Variants in SYT1 observed in about 807,000 individuals in gnomAD.
SYT1 encodes synaptotagmin-1.
A neutral mutation model predicts 44.8 loss-of-function variants in SYT1; 8 were observed. The observed-to-expected ratio is 0.18, with a 90% CI of 0.10 to 0.32. The LOEUF (loss-of-function observed/expected upper bound fraction) is 0.32, where lower values mean the gene tolerates loss of function less well. SYT1 is among the 10% of genes least tolerant of loss of function. SYT1 has a pLI of 1.00. For missense variants in SYT1, 286 were observed against 509.3 expected (o/e 0.56, Z 4.22); for synonymous variants, 154 against 188.8 (o/e 0.82, Z 1.51).
intron 4 of SYT1, among the ~76,000 whole-genome samples, chr12:79,235,898 A>G (rs969754891): frequency 3.3e-5 from 5 of 152,170 alleles, no homozygotes; most frequent in Non-Finnish European, 2.9e-5. Context: ...CACCATATCC[A>G]AAACTAAATT....
intron 4 of SYT1, among the ~76,000 whole-genome samples, chr12:79,268,876 A>G (rs1269347166): frequency 2.0e-5 from 3 of 152,192 alleles, no homozygotes; most frequent in Non-Finnish European, 4.4e-5. Context: ...CAGAGTAATC[A>G]CTGGCTGACA....
chr12:78,949,099 C>T (rs1231218461), intron 1 of SYT1, among the ~76,000 whole-genome samples: 1 of 151,304 alleles, frequency 6.6e-6, no homozygotes, highest in Admixed American at 6.6e-5. Flanking sequence ...TAGTGATTGG[C>T]TATAGGACTT....
chr12:78,987,306 G>A (rs764220919), intron 2 of SYT1, among the ~76,000 whole-genome samples: 4 of 152,018 alleles, frequency 2.6e-5, no homozygotes, highest in Non-Finnish European at 5.9e-5. Flanking sequence ...AAAATGGTGT[G>A]TGTTTTCTAG....
At chr12:79,088,306 C>G (rs1877521852) in intron 3 of SYT1, among the ~76,000 whole-genome samples, 1 of 151,902 alleles carries the variant, frequency 6.6e-6, no homozygotes, top group Non-Finnish European at 1.5e-5. Flanking sequence ...TTCCTTACCC[C>G]CTTCGGAAGG....
chr12:79,330,990 T>C (rs1881829872), intron 8 of SYT1, among the ~76,000 whole-genome samples: 1 of 152,218 alleles, frequency 6.6e-6, no homozygotes, highest in Non-Finnish European at 1.5e-5. Context: ...TTTCGTTTCC[T>C]GCAGTTCCTT....
At chr12:78,973,928 AAAAAAAAAAAATATATAT>A (rs1868576880) in intron 1 of SYT1, among the ~76,000 whole-genome samples, 1 of 40,728 alleles carries the variant, frequency 2.5e-5, no homozygotes, top group African/African-American at 1.1e-4. Context: ...AAAAAAAAAA[AAAAAAAAAAAATATATAT>A]ATATATATAT....
intron 4 of SYT1, among the ~76,000 whole-genome samples, chr12:79,242,076 A>C (rs555510747): frequency 6.6e-6 from 1 of 152,324 alleles, no homozygotes; most frequent in South Asian, 2.1e-4. Flanking sequence ...CAATACTTTG[A>C]TTTCAGACTT....
chr12:79,446,148 A>G lies in SYT1; in HGVS notation c.1062+1942A>G, dbSNP rs191156365. Among the ~76,000 whole-genome samples the G allele has an allele frequency of 3.4e-4, 51 of 150,784 alleles. No individual in the cohort carries two copies. The East Asian group carries it at 7.6e-3, about 23-fold the overall frequency. Reference sequence around the variant, plus strand: ...CCTAATTTTATATGTGAAAAAACTGAGGCTTAGAATTTCTTTACATGTAAA... The same window carrying G: ...CCTAATTTTATATGTGAAAAAACTGGGGCTTAGAATTTCTTTACATGTAAA... On this transcript the variant is annotated intron_variant, in intron 10 of 10. Transcript: ENST00000261205.
chr12:78,992,129 A>G (rs1870061023), intron 2 of SYT1, among the ~76,000 whole-genome samples: 1 of 152,236 alleles, frequency 6.6e-6, no homozygotes, highest in South Asian at 2.1e-4. Flanking sequence ...TATGCCCTGC[A>G]TAGCAGGTAA....
intron 1 of SYT1, among the ~76,000 whole-genome samples, chr12:78,911,897 T>C (rs918083794): frequency 2.6e-5 from 4 of 152,020 alleles, no homozygotes; most frequent in Non-Finnish European, 4.4e-5. Flanking sequence ...CTTTGTTAAA[T>C]TACTAAATGT....
At chr12:79,005,330 A>G (rs1038093511) in intron 2 of SYT1, among the ~76,000 whole-genome samples, 3 of 151,814 alleles carry the variant, frequency 2.0e-5, no homozygotes, top group African/African-American at 7.3e-5. Flanking sequence ...TAGAAAGTAT[A>G]CCCCCCATGG....
intron 8 of SYT1, among the ~76,000 whole-genome samples, chr12:79,344,083 T>C (rs1882497238): frequency 6.6e-6 from 1 of 152,220 alleles, no homozygotes; most frequent in Admixed American, 6.5e-5. Context: ...TTCAGGACTG[T>C]GTTATCCAGA....
intron 2 of SYT1, among the ~76,000 whole-genome samples, chr12:79,024,409 T>G (rs1872393143): frequency 6.6e-6 from 1 of 151,876 alleles, no homozygotes; most frequent in African/African-American, 2.4e-5. Flanking sequence ...GCTGCTGTAC[T>G]CTTATCCAAA....
At chr12:78,992,309 T>C (rs1414884033) in intron 2 of SYT1, among the ~76,000 whole-genome samples, 1 of 152,230 alleles carries the variant, frequency 6.6e-6, no homozygotes, top group African/African-American at 2.4e-5. Flanking sequence ...TAAGATAAGA[T>C]ATGAAGGTAG....
intron 3 of SYT1, among the ~76,000 whole-genome samples, chr12:79,144,915 T>C (rs1449156745): frequency 6.6e-6 from 1 of 152,208 alleles, no homozygotes; most frequent in Non-Finnish European, 1.5e-5. Flanking sequence ...CAGAGCTTGG[T>C]ACCCTCAGTA....
Position 79,444,346 on chromosome 12 carries a change from C to T in SYT1, c.1062+140C>T, listed in dbSNP as rs972502174. 5 of 1,078,284 alleles carry T rather than the reference C, an allele frequency of 4.6e-6. No individual in the cohort carries two copies. The African/African-American group carries it at 7.9e-5, about 17-fold the overall frequency. The allele number at this position is 1,078,284 out of a possible 1,614,324, so 66.8% of individuals were successfully genotyped here. ...TCTTTCTCCCCATGCACATTTGATG[C>T]TTGAGCTACATCAGGAAGGATAAAA... On this transcript the variant is annotated intron_variant, in intron 10 of 10. Coordinates refer to ENST00000261205, the MANE Select transcript of SYT1 (RefSeq NM_005639.3).
At chr12:79,371,817 C>G (rs1883803703) in intron 9 of SYT1, among the ~76,000 whole-genome samples, 1 of 152,162 alleles carries the variant, frequency 6.6e-6, no homozygotes, top group Admixed American at 6.5e-5. Context: ...TTTTCTGCCC[C>G]TCCTTTTTTA....
At chr12:79,132,113 T>C (rs985269298) in intron 3 of SYT1, among the ~76,000 whole-genome samples, 1 of 152,124 alleles carries the variant, frequency 6.6e-6, no homozygotes, top group Non-Finnish European at 1.5e-5. Context: ...AAAGGAATAA[T>C]CCCATTAAAA....
chr12:78,873,560 T>C (rs1873927042), intron 1 of SYT1, among the ~76,000 whole-genome samples: 1 of 151,658 alleles, frequency 6.6e-6, no homozygotes, highest in South Asian at 2.1e-4. Context: ...TTATTTGTTT[T>C]CTTATTTGTA....
Sources: allele counts gnomAD v4.1 joint callset (sites outside exome capture counted in the v4.1 genomes callset), GRCh38; gene constraint gnomAD v4.1.1; transcripts MANE v1.5; gene names NCBI Gene and HGNC (gene_info 2026-07-23, HGNC 2026-07-21).